The following SUMF1 variants were observed in gnomAD, a reference collection of about 807,000 sequenced individuals.
SUMF1 encodes the protein formylglycine-generating enzyme.
SUMF1 carries 48 observed loss-of-function variants against 47.6 expected under a neutral mutation model. The observed-to-expected ratio is 1.01, with a 90% CI of 0.80 to 1.28. The LOEUF is 1.28. SUMF1 is among the 50% of genes most tolerant of loss of function. The probability of loss-of-function intolerance (pLI) is 0.00; values close to 1 mark genes in which losing one functional copy is unlikely to be tolerated. For missense variants in SUMF1, 571 were observed against 485.4 expected (o/e 1.18, Z -1.66); for synonymous variants, 230 against 192.1 (o/e 1.20, Z -1.63).
At chr3:4,051,131 A>G (rs972630433) in intron 9 of SUMF1, among the ~76,000 whole-genome samples, 22 of 101,838 alleles carry the variant, frequency 2.2e-4, no homozygotes, top group Non-Finnish European at 2.6e-4. Context: ...AAAAAAAAGA[A>G]AAAAAAAAAG....
At position 4,369,751 on chromosome 3, in the gene SUMF1, A is replaced by G. The variant is rs554641895; in HGVS notation, c.1014+6579T>C. ...GAAACTCTGATTCAGGAAGTCTAGT[A>G]TGGGGCCCAAGAACCTACTTCTAAC... On this transcript the variant is annotated intron_variant, in intron 8 of 8. Coordinates refer to ENST00000272902, the MANE Select transcript of SUMF1 (RefSeq NM_182760.4). Among the ~76,000 whole-genome samples the G allele has an allele frequency of 7.2e-5, 11 of 152,256 alleles. 1 individual carries two copies. The highest frequency in any genetic ancestry group is 3.4e-3 in the Middle Eastern group (1 of 294).
chr3:4,424,398 A>G (rs750282714), intron 3 of SUMF1, among the ~76,000 whole-genome samples: 4 of 152,200 alleles, frequency 2.6e-5, no homozygotes, highest in Non-Finnish European at 4.4e-5. Context: ...GATGATCACC[A>G]ATCTCAATGA....
intron 7 of SUMF1, among the ~76,000 whole-genome samples, chr3:4,391,964 G>A (rs1700881492): frequency 6.6e-6 from 1 of 151,860 alleles, no homozygotes; most frequent in Non-Finnish European, 1.5e-5. Flanking sequence ...AAGTAGTTAG[G>A]ACTACAGATG....
At chr3:4,191,935 T>A (rs1182681863) in intron 8 of SUMF1, among the ~76,000 whole-genome samples, 1 of 152,148 alleles carries the variant, frequency 6.6e-6, no homozygotes, top group Non-Finnish European at 1.5e-5. Flanking sequence ...AGAGATTAAT[T>A]CTGTGAGAAG....
chr3:4,062,096 A>G (rs972382419), intron 9 of SUMF1, among the ~76,000 whole-genome samples: 3 of 152,026 alleles, frequency 2.0e-5, no homozygotes, highest in African/African-American at 7.2e-5. Context: ...CCCTTACCAC[A>G]GATTCAGTCA....
chr3:4,159,265 CT>C (rs1431420613), intron 8 of SUMF1, among the ~76,000 whole-genome samples: 1 of 114,364 alleles, frequency 8.7e-6, no homozygotes, highest in Non-Finnish European at 1.9e-5. Flanking sequence ...GTGATTTTCT[CT>C]GGTGGTATTT....
chr3:4,246,928 T>C (rs1224460838), intron 8 of SUMF1, among the ~76,000 whole-genome samples: 2 of 152,184 alleles, frequency 1.3e-5, no homozygotes, highest in Non-Finnish European at 2.9e-5. Flanking sequence ...CATAATTTGG[T>C]TTTGGGTATG....
intron 8 of SUMF1, among the ~76,000 whole-genome samples, chr3:4,163,637 A>G (rs1421149977): frequency 2.6e-5 from 4 of 151,138 alleles, no homozygotes; most frequent in Non-Finnish European, 5.9e-5. Context: ...ATGAGAGGAA[A>G]TTGAAGCCTA....
intron 8 of SUMF1, among the ~76,000 whole-genome samples, chr3:4,373,587 C>T (rs1346197295): frequency 1.3e-5 from 2 of 152,042 alleles, no homozygotes; most frequent in African/African-American, 4.8e-5. Flanking sequence ...ATAGTTAAAA[C>T]TCTCGGCCCA....
At chr3:4,300,563 G>T (rs971696482) in intron 8 of SUMF1, among the ~76,000 whole-genome samples, 1 of 152,094 alleles carries the variant, frequency 6.6e-6, no homozygotes, top group Non-Finnish European at 1.5e-5. Flanking sequence ...ACCTATTAAT[G>T]CCAGGTATAA....
At chr3:4,370,679 T>C (rs1387057732) in intron 8 of SUMF1, among the ~76,000 whole-genome samples, 2 of 152,286 alleles carry the variant, frequency 1.3e-5, no homozygotes, top group African/African-American at 2.4e-5. Context: ...CCCCGGTATA[T>C]ACAGAATAAT....
intron 9 of SUMF1, among the ~76,000 whole-genome samples, chr3:4,056,001 T>C (rs549988588): frequency 1.3e-5 from 2 of 152,302 alleles, no homozygotes; most frequent in African/African-American, 4.8e-5. Context: ...ATCTCTCTGA[T>C]TCTGTCTTCC....
intron 3 of SUMF1, among the ~76,000 whole-genome samples, chr3:4,421,818 A>G (rs1356242423): frequency 1.3e-5 from 2 of 152,174 alleles, no homozygotes; most frequent in East Asian, 1.9e-4. Context: ...ATACAAATAC[A>G]AAAGAAAGTG....
chr3:4,175,540 C>A (rs1040659177), intron 8 of SUMF1, among the ~76,000 whole-genome samples: 1 of 152,068 alleles, frequency 6.6e-6, no homozygotes, highest in Non-Finnish European at 1.5e-5. Flanking sequence ...TGTAGGTGAC[C>A]AACATCAAAG....
intron 9 of SUMF1, among the ~76,000 whole-genome samples, chr3:4,051,581 T>C (rs914570283): frequency 3.9e-5 from 6 of 152,160 alleles, no homozygotes; most frequent in African/African-American, 1.2e-4. Context: ...CGTTTCTAAA[T>C]AGACGTACCA....
At chr3:4,333,821 T>A (rs1249554856) in intron 8 of SUMF1, among the ~76,000 whole-genome samples, 1 of 68,634 alleles carries the variant, frequency 1.5e-5, no homozygotes, top group Non-Finnish European at 2.4e-5. Flanking sequence ...AAGCACATAA[T>A]TTTTTTTTTT....
chr3:4,369,392 A>G (rs756833501), intron 8 of SUMF1, among the ~76,000 whole-genome samples: 22 of 152,228 alleles, frequency 1.4e-4, no homozygotes, highest in Admixed American at 2.6e-4. Flanking sequence ...GCAGGAAGAC[A>G]TAGCAAAAGC....
chr3:4,077,009 AG>A (rs1414460206), intron 8 of SUMF1, among the ~76,000 whole-genome samples: 4 of 152,098 alleles, frequency 2.6e-5, no homozygotes, highest in Non-Finnish European at 4.4e-5. Context: ...ATCTCAAAAA[AG>A]AAAAAAAAAG....
rs374475986 is a variant in SUMF1, at chr3:4,206,339, TCA to T, written c.1015-137596_1015-137595del. Among the ~76,000 whole-genome samples the T allele has an allele frequency of 4.1e-3, 628 of 152,096 alleles. 7 individuals are homozygous for T. Among genetic ancestry groups the T allele is most frequent in the African/African-American group, 0.014 (596 of 41,484 alleles). ...CAAAGCACCAGAACTTGCTCAGGAA[TCA>T]CAGTCTTTGTGGCCTAGACTGCCTT... On this transcript the variant is annotated intron_variant and NMD_transcript_variant, in intron 8 of 12. Coordinates refer to the SUMF1 transcript ENST00000448413.
Sources: allele counts gnomAD v4.1 joint callset (sites outside exome capture counted in the v4.1 genomes callset), GRCh38; gene constraint gnomAD v4.1.1; transcripts MANE v1.5; gene names NCBI Gene and HGNC (gene_info 2026-07-23, HGNC 2026-07-21).